PLD5: variants seen among roughly 807,000 people sequenced by gnomAD.
PLD5 encodes the protein phospholipase D family member 5.
PLD5 carries 36 observed loss-of-function variants against 61.1 expected under a neutral mutation model. That is an observed-to-expected ratio of 0.59 (90% CI 0.45 to 0.78). The LOEUF is 0.78. PLD5 is among the 30% of genes least tolerant of loss of function. The pLI is 0.00. For missense variants in PLD5, 515 were observed against 644.4 expected, an observed-to-expected ratio of 0.80 and a Z score of 2.17; for synonymous variants, 243 against 242.8, an observed-to-expected ratio of 1.00 and a Z score of -0.01.
chr1:242,194,591 T>TATCTATCTATCTATCTATCTATCTATCTA (rs1558328438), intron 5 of PLD5, among the ~76,000 whole-genome samples: 26 of 74,398 alleles, frequency 3.5e-4, no homozygotes, highest in African/African-American at 1.6e-3. Context: ...TCTATCTATC[T>TATCTATCTATCTATCTATCTATCTATCTA]ATCTATCTAT....
intron 3 of PLD5, among the ~76,000 whole-genome samples, chr1:242,270,954 G>A (rs1283005708): frequency 6.6e-6 from 1 of 152,052 alleles, no homozygotes; most frequent in Non-Finnish European, 1.5e-5. Flanking sequence ...TTAACACAAT[G>A]GGGACCTGGT....
At chr1:242,305,539 G>A (rs985642091) in intron 2 of PLD5, among the ~76,000 whole-genome samples, 13 of 151,918 alleles carry the variant, frequency 8.6e-5, no homozygotes, top group Non-Finnish European at 1.9e-4. Context: ...CGGAGACTGT[G>A]CACAAGCCAC....
intron 5 of PLD5, among the ~76,000 whole-genome samples, chr1:242,134,118 T>TG (rs1441894811): frequency 6.6e-6 from 1 of 152,154 alleles, no homozygotes; most frequent in East Asian, 1.9e-4. Context: ...AAGACCTGAG[T>TG]GACTGTATTT....
chr1:242,352,066 A>T (rs1426150010), intron 1 of PLD5, among the ~76,000 whole-genome samples: 1 of 152,204 alleles, frequency 6.6e-6, no homozygotes, highest in Non-Finnish European at 1.5e-5. Flanking sequence ...TGATGAGAAC[A>T]TTGGAGCTAT....
At chr1:242,397,938 A>G (rs1227970688) in intron 1 of PLD5, among the ~76,000 whole-genome samples, 3 of 152,170 alleles carry the variant, frequency 2.0e-5, no homozygotes, top group South Asian at 2.1e-4. Flanking sequence ...AGGCTTGACA[A>G]TGGCTTGACA....
intron 9 of PLD5, among the ~76,000 whole-genome samples, chr1:242,097,461 A>G (rs972862726): frequency 2.0e-5 from 3 of 152,170 alleles, no homozygotes; most frequent in African/African-American, 7.2e-5. Flanking sequence ...GTGAGATGGT[A>G]TCTCATTGTG....
Position 242,511,017 on chromosome 1 carries a change from C to A in PLD5, c.189+13071G>T, listed in dbSNP as rs908824053. 5.3e-5 allele frequency among the ~76,000 whole-genome samples: 8 copies of A among 152,020 alleles called. 1 individual carries two copies. Among genetic ancestry groups the A allele is most frequent in the Non-Finnish European group, 1.2e-4 (8 of 68,016 alleles). On this transcript the variant is annotated intron_variant, in intron 1 of 9. Transcript: ENST00000536534. ...TTGTAATATACTTATGAGAAAATAT[C>A]TTTAAGATGTTAGGAAGGGGCAGAA...
At chr1:242,387,671 ATTTTATATAAAATTTTATCTAT>A (rs1662676859) in intron 1 of PLD5, among the ~76,000 whole-genome samples, 2 of 142,382 alleles carry the variant, frequency 1.4e-5, no homozygotes, top group African/African-American at 5.4e-5. Context: ...AATTTTATCT[ATTTTATATAAAATTTTATCTAT>A]TTTATATAAA....
intron 1 of PLD5, among the ~76,000 whole-genome samples, chr1:242,433,573 G>A (rs1386833069): frequency 6.6e-6 from 1 of 152,112 alleles, no homozygotes; most frequent in African/African-American, 2.4e-5. Flanking sequence ...TACCCACTAT[G>A]AGCAACGCAT....
In PLD5 at chr1:242,256,799, A is replaced by T. The variant is rs1673060963; in HGVS notation, c.607+8538T>A. 7.0e-6 allele frequency among the ~76,000 whole-genome samples: 1 copy of T among 142,786 alleles called. No homozygotes were observed. Among genetic ancestry groups the T allele is most frequent in the South Asian group, 2.2e-4 (1 of 4,464 alleles). 93.7% of individuals were successfully genotyped at this position (142,786 alleles called of 152,430 possible). A position where few individuals can be genotyped will look rare whatever the true frequency, so the allele number is the denominator to read the frequency against. On this transcript the variant is annotated intron_variant, in intron 4 of 9. Transcript: ENST00000536534. This position sits in a 1 kb window ranked among gnomAD's most constrained non-coding sequence, Gnocchi z 5.7. ...CTATCTATCTATCTATCTATCTATTAATATCTATCTTTCTATGTATCTGTC... is the reference window on the plus strand; with the variant it reads ...CTATCTATCTATCTATCTATCTATTTATATCTATCTTTCTATGTATCTGTC...
intron 5 of PLD5, among the ~76,000 whole-genome samples, chr1:242,145,246 TA>T (rs1047274933): frequency 2.6e-5 from 4 of 152,100 alleles, no homozygotes; most frequent in Non-Finnish European, 4.4e-5. Context: ...GATGGTGACA[TA>T]AACTTGAGAA....
At chr1:242,444,541 A>G (rs1666419223) in intron 1 of PLD5, among the ~76,000 whole-genome samples, 1 of 150,806 alleles carries the variant, frequency 6.6e-6, no homozygotes, top group African/African-American at 2.4e-5. Context: ...ACATAGGAAT[A>G]TAGGTGCATG....
intron 9 of PLD5, among the ~76,000 whole-genome samples, chr1:242,097,251 T>C (rs985662271): frequency 2.6e-5 from 4 of 152,228 alleles, no homozygotes; most frequent in Non-Finnish European, 5.9e-5. Flanking sequence ...TTATAATCCT[T>C]TGGGTATATA....
Position 242,122,297 on chromosome 1 carries a change from ACT to A in PLD5, c.933+2169_933+2170del, listed in dbSNP as rs1442507826. 1.8e-4 allele frequency among the ~76,000 whole-genome samples: 27 copies of A among 152,142 alleles called. No homozygotes were observed. The East Asian group carries it at 4.6e-3, about 26-fold the overall frequency. ...TAGCTTTAAAATCAACAAAAAACTG[ACT>A]CTTTCCCTGTTTAAGGGTTAGTATG... On this transcript the variant is annotated intron_variant, in intron 6 of 9. Transcript: ENST00000536534.
At chr1:242,223,756 G>A (rs1165585146) in intron 4 of PLD5, among the ~76,000 whole-genome samples, 2 of 151,740 alleles carry the variant, frequency 1.3e-5, no homozygotes, top group Admixed American at 6.6e-5. Flanking sequence ...CTTCCCCATT[G>A]CAAATTACCT....
intron 5 of PLD5, among the ~76,000 whole-genome samples, chr1:242,200,890 G>A (rs552939797): frequency 1.6e-4 from 25 of 152,282 alleles, no homozygotes; most frequent in South Asian, 8.3e-4. Context: ...CATGTTATGC[G>A]TGTGTTTGGT....
chr1:242,195,765 A>G (rs1324717643), intron 5 of PLD5, among the ~76,000 whole-genome samples: 1 of 152,230 alleles, frequency 6.6e-6, no homozygotes, highest in Non-Finnish European at 1.5e-5. Flanking sequence ...CTCTCTCTCC[A>G]AGAAAAATGC....
chr1:242,178,793 C>T (rs1424567635), intron 5 of PLD5, among the ~76,000 whole-genome samples: 1 of 152,192 alleles, frequency 6.6e-6, no homozygotes, highest in Non-Finnish European at 1.5e-5. Flanking sequence ...ACTGATCCCT[C>T]CATATGTCTA....
chr1:242,090,240 G>T, intron 9 of PLD5, 130 bp from the exon 10 acceptor site: 1 of 1,208,274 alleles, frequency 8.3e-7, no homozygotes. Flanking sequence ...AGGCTGAATT[G>T]TGTTGACAGC....
Sources: gnomAD v4.1 joint callset for allele counts (sites outside exome capture counted in the v4.1 genomes callset) on GRCh38, gnomAD v4.1.1 for gene constraint, Gnocchi (gnomAD v3.1) non-coding constraint, MANE v1.5 for transcripts, NCBI Gene and HGNC (gene_info 2026-07-23, HGNC 2026-07-21) for gene names.